SSR2: variants seen among roughly 807,000 people sequenced by gnomAD.
SSR2 encodes the protein signal sequence receptor subunit 2.
Under a neutral mutation model 22.6 loss-of-function variants are expected in SSR2, and 16 were observed. The ratio of observed to expected loss-of-function variants is 0.71; its 90% CI spans 0.48 to 1.08. The LOEUF (loss-of-function observed/expected upper bound fraction) is 1.08, where lower values mean the gene tolerates loss of function less well. Ranked by LOEUF, SSR2 falls within the 50% of genes least tolerant of loss-of-function variation. The pLI is 0.00. For synonymous variants in SSR2, 83 were observed against 91.2 expected, an observed-to-expected ratio of 0.91 and a Z score of 0.51; for missense variants, 171 against 221.6, an observed-to-expected ratio of 0.77 and a Z score of 1.45.
chr1:156,009,087 A>G lies in SSR2; in HGVS notation c.*453T>C, dbSNP rs1245810582. On this transcript the variant is annotated 3_prime_UTR_variant, in exon 6 of 6. Coordinates refer to ENST00000295702, the MANE Select transcript of SSR2 (RefSeq NM_003145.4). Reference sequence around the variant, plus strand: ...GTTTTTATTAGAAAACCCCTTAGTAAGCACTTCTCTAACCCAGAATAGACA... The same window carrying G: ...GTTTTTATTAGAAAACCCCTTAGTAGGCACTTCTCTAACCCAGAATAGACA... 2 of 155,810 alleles carry G rather than the reference A, an allele frequency of 1.3e-5. No homozygotes were observed. Among genetic ancestry groups the G allele is most frequent in the Admixed American group, 6.5e-5 (1 of 15,294 alleles). The allele number at this position is 155,810 out of a possible 1,614,324, so 9.7% of individuals were successfully genotyped here.
chr1:156,009,337 CG>C lies in SSR2; in HGVS notation c.*202del, dbSNP rs1182378224. The C allele has an allele frequency of 5.7e-6, 3 of 528,612 alleles. No homozygotes were observed. Among genetic ancestry groups the C allele is most frequent in the Admixed American group, 3.9e-5 (1 of 25,522 alleles). 32.7% of individuals were successfully genotyped at this position (528,612 alleles called of 1,614,324 possible). A position where few individuals can be genotyped will look rare whatever the true frequency, so the allele number is the denominator to read the frequency against. ...AAAGGCATTCCTGTTTATGGCTTCA[CG>C]ATGGAACCAAGGAGGCTCTCGCAGA... On this transcript the variant is annotated 3_prime_UTR_variant, in exon 6 of 6. Coordinates refer to ENST00000295702, the MANE Select transcript of SSR2 (RefSeq NM_003145.4).
chr1:156,018,712 A>G (rs762594160), intron 2 of SSR2, among the ~76,000 whole-genome samples: 39 of 151,550 alleles, frequency 2.6e-4, no homozygotes, highest in Non-Finnish European at 4.1e-4. Flanking sequence ...GTCTCAAACA[A>G]ACAAAAAAAT....
At chr1:156,012,652 A>G (rs1682995856) in intron 4 of SSR2, 1 of 451,152 alleles carries the variant, frequency 2.2e-6, no homozygotes, top group Non-Finnish European at 4.5e-6. Flanking sequence ...ACGAAAATGC[A>G]GAAGGTGCAA....
At chr1:156,020,687 C>T (rs1683137108) in intron 1 of SSR2, 1 of 316,334 alleles carries the variant, frequency 3.2e-6, no homozygotes, top group African/African-American at 2.7e-5. Context: ...TGTCACATCC[C>T]TTTCTTGGTC....
intron 2 of SSR2, among the ~76,000 whole-genome samples, chr1:156,018,663 C>A (rs1194310995): frequency 6.7e-6 from 1 of 148,810 alleles, no homozygotes; most frequent in East Asian, 2.0e-4. Flanking sequence ...GAGCCAAGAT[C>A]GCACCACTAT....
intron 5 of SSR2, 198 bp downstream of exon 5, chr1:156,011,612 G>A (rs1373940886): frequency 6.6e-6 from 3 of 455,326 alleles, no homozygotes; most frequent in African/African-American, 5.8e-5. Context: ...TTATGGTTTT[G>A]GCAATTGTGA....
intron 3 of SSR2, among the ~76,000 whole-genome samples, chr1:156,017,952 G>A (rs767882016): frequency 6.0e-5 from 9 of 149,056 alleles, no homozygotes; most frequent in Non-Finnish European, 1.2e-4. Flanking sequence ...GTTTCACCAT[G>A]TTGGCCAGGA....
rs765896126 is a variant in SSR2 at position 156,015,050 on chromosome 1, T to C, written c.274A>G (p.Thr92Ala). ...RIAPASNVSH[T>A]VVLRPLKAGY... ...GCCTTGAGAGGGCGCAGGACCACAG[T>C]GTGGGAGACATTGCTAGCACTGGCT... Residue 92 changes from threonine to alanine, a missense_variant, in exon 4 of 6, where the codon ACT (threonine) becomes GCT (alanine). Coordinates refer to ENST00000295702, the MANE Select transcript of SSR2 (RefSeq NM_003145.4). The C allele has an allele frequency of 6.2e-7, 1 of 1,613,820 alleles. No homozygotes were observed. Among genetic ancestry groups the C allele is most frequent in the Admixed American group, 1.7e-5 (1 of 59,978 alleles).
intron 2 of SSR2, chr1:156,019,123 G>T (rs187349224): frequency 1.1e-5 from 3 of 261,024 alleles, no homozygotes; most frequent in Middle Eastern, 4.6e-4. Context: ...AAAGATATGA[G>T]TAATATAGCA....
chr1:156,015,060 A>C lies in SSR2; in HGVS notation c.264T>G (p.Asn88Lys). Reference sequence around the variant, plus strand: ...GGCGCAGGACCACAGTGTGGGAGACATTGCTAGCACTGGCTCAAGAGTTAA... The same window carrying C: ...GGCGCAGGACCACAGTGTGGGAGACCTTGCTAGCACTGGCTCAAGAGTTAA... ...VKWDRIAPASNVSHTVVLRPL... is the reference protein window; with the variant it reads ...VKWDRIAPASKVSHTVVLRPL... Residue 88 changes from asparagine (N) to lysine (K), a missense_variant, in exon 4 of 6, where the codon AAT becomes AAG. Asn to Lys is a moderately conservative substitution (Grantham distance 94). Coordinates refer to ENST00000295702, the MANE Select transcript of SSR2 (RefSeq NM_003145.4). The C allele has an allele frequency of 6.2e-7, 1 of 1,613,674 alleles. No individual in the cohort carries two copies. The highest frequency in any genetic ancestry group is 1.3e-5 in the African/African-American group (1 of 75,028).
chr1:156,011,688 C>T, intron 5 of SSR2, 122 bp downstream of exon 5: 1 of 759,738 alleles, frequency 1.3e-6, no homozygotes, highest in Non-Finnish European at 2.2e-6. Flanking sequence ...ATATCAGACA[C>T]CAAAAAACAC....
At position 156,014,945 on chromosome 1, in the gene SSR2, G is replaced by A. The variant is rs1558077140; in HGVS notation, c.363+16C>T. 5 of 1,600,180 alleles carry A rather than the reference G, an allele frequency of 3.1e-6. No individual in the cohort carries two copies. The highest frequency in any genetic ancestry group is 1.3e-5 in the African/African-American group (1 of 74,684). The stretch of plus-strand genomic sequence containing the variant: ...CAGATCCAAATTCCATCCAGCTAAG[G>A]GTTTGGGCAACTCACCACAACGGGC... On this transcript the variant is annotated intron_variant, in intron 4 of 5. Transcript: ENST00000295702.
At chr1:156,018,408 G>A in intron 2 of SSR2, 40 bp from the exon 3 acceptor site, 2 of 1,550,188 alleles carry the variant, frequency 1.3e-6, no homozygotes, top group Non-Finnish European at 1.8e-6. Flanking sequence ...GTAAGTAATG[G>A]ATATAAAATT....
At chr1:156,016,378 C>T (rs1268593137) in intron 3 of SSR2, among the ~76,000 whole-genome samples, 2 of 151,878 alleles carry the variant, frequency 1.3e-5, no homozygotes, top group East Asian at 2.0e-4. Flanking sequence ...GAACTACAGG[C>T]GCCCGCCACC....
chr1:156,012,789 T>A, intron 4 of SSR2: 1 of 311,782 alleles, frequency 3.2e-6, no homozygotes, highest in South Asian at 2.7e-5. Flanking sequence ...TATACATTTA[T>A]TTGGCTTTAT....
intron 1 of SSR2, chr1:156,020,568 C>T (rs1683134323): frequency 3.3e-6 from 1 of 304,236 alleles, no homozygotes; most frequent in Admixed American, 4.4e-5. Context: ...TGCTCCCCTC[C>T]TCCTTGGCCA....
chr1:156,016,755 G>T (rs1683064095), intron 3 of SSR2, among the ~76,000 whole-genome samples: 1 of 152,124 alleles, frequency 6.6e-6, no homozygotes. Flanking sequence ...TGGTGGGAGG[G>T]AATTGGATCA....
intron 3 of SSR2, among the ~76,000 whole-genome samples, chr1:156,017,934 GA>G (rs1244842717): frequency 6.6e-6 from 1 of 150,826 alleles, no homozygotes; most frequent in Non-Finnish European, 1.5e-5. Flanking sequence ...ATTTTTAATA[GA>G]GACAGGGTTT....
chr1:156,020,540 T>G, intron 1 of SSR2: 1 of 301,230 alleles, frequency 3.3e-6, no homozygotes, highest in Non-Finnish European at 6.6e-6. Context: ...CACACAGGAG[T>G]GCCCACAGCC....
Sources: gnomAD v4.1 joint callset for allele counts (sites outside exome capture counted in the v4.1 genomes callset) on GRCh38, gnomAD v4.1.1 for gene constraint, MANE v1.5 for transcripts, NCBI Gene and HGNC (gene_info 2026-07-23, HGNC 2026-07-21) for gene names.